Variants in INTS6 observed in about 807,000 individuals in gnomAD.
INTS6 encodes the protein integrator complex subunit 6, also known as DEAD box protein.
Under a neutral mutation model 104.9 loss-of-function variants are expected in INTS6, and 16 were observed. That is an observed-to-expected ratio of 0.15 (90% CI 0.10 to 0.23). The LOEUF is 0.23. Ranked by LOEUF, INTS6 falls within the 10% of genes least tolerant of loss-of-function variation. The pLI is 1.00. For synonymous variants in INTS6, 324 were observed against 358.7 expected, an observed-to-expected ratio of 0.90 and a Z score of 1.09; for missense variants, 584 against 1,062.8, an observed-to-expected ratio of 0.55 and a Z score of 6.26.
rs1298662235 is a variant in INTS6, at chr13:51,416,180, C to T, written c.429+14114G>A. On this transcript the variant is annotated intron_variant, in intron 4 of 17. Coordinates refer to ENST00000311234, the MANE Select transcript of INTS6 (RefSeq NM_012141.3). ...GTCAAGGAGATAACAGAAATGATCTCTAAATTTGTTGCAAAAGGAAATAGA... is the reference window on the plus strand; with the variant it reads ...GTCAAGGAGATAACAGAAATGATCTTTAAATTTGTTGCAAAAGGAAATAGA... Among the ~76,000 whole-genome samples the T allele has an allele frequency of 1.2e-4, 19 of 152,228 alleles. No individual in the cohort carries two copies. The South Asian group carries it at 3.7e-3, about 30-fold the overall frequency.
At chr13:51,384,367 A>G (rs1010757871) in intron 7 of INTS6, 5 of 247,774 alleles carry the variant, frequency 2.0e-5, no homozygotes, top group African/African-American at 6.9e-5. Flanking sequence ...TTACTCCCCA[A>G]TCTACCTCTT....
chr13:51,450,378 G>C, intron 3 of INTS6: 1 of 985,400 alleles, frequency 1.0e-6, no homozygotes, highest in Non-Finnish European at 1.2e-6. Context: ...ACTTGTGGGG[G>C]TTAAGAAACG....
intron 5 of INTS6, among the ~76,000 whole-genome samples, chr13:51,392,059 G>A (rs1444099365): frequency 6.6e-6 from 1 of 152,016 alleles, no homozygotes; most frequent in African/African-American, 2.4e-5. Flanking sequence ...GTTCTCTTTT[G>A]CATTAAGCCA....
At chr13:51,345,592 CAAAAA>C in the INTS6 span, among the ~76,000 whole-genome samples, 189 of 37,042 alleles carry the variant, frequency 5.1e-3, no homozygotes, top group African/African-American at 0.016. Context: ...GATTTCATCT[CAAAAA>C]AAAAAAAAAA....
At chr13:51,426,806 G>A (rs1272435690) in intron 4 of INTS6, among the ~76,000 whole-genome samples, 1 of 152,012 alleles carries the variant, frequency 6.6e-6, no homozygotes, top group African/African-American at 2.4e-5. Context: ...ATAAATAGAA[G>A]GTAAATTTTA....
intron 7 of INTS6, chr13:51,384,322 G>A (rs531867788): frequency 1.6e-4 from 36 of 222,876 alleles, no homozygotes; most frequent in African/African-American, 8.2e-4. Context: ...TGTTCTAGAG[G>A]TATAAAAAAG....
intron 9 of INTS6, among the ~76,000 whole-genome samples, chr13:51,382,495 G>GT (rs1433604654): frequency 1.3e-5 from 2 of 152,160 alleles, no homozygotes; most frequent in Non-Finnish European, 2.9e-5. Flanking sequence ...TTCATGGAAG[G>GT]TAAGTTTTCT....
intron 3 of INTS6, chr13:51,437,272 G>A: frequency 6.6e-6 from 1 of 152,142 alleles, no homozygotes; most frequent in Non-Finnish European, 1.5e-5. Context: ...TCACCTCCTT[G>A]AGTAGACTGC....
chr13:51,432,895 A>G (rs1253216517), intron 3 of INTS6, among the ~76,000 whole-genome samples: 1 of 152,236 alleles, frequency 6.6e-6, no homozygotes, highest in Non-Finnish European at 1.5e-5. Flanking sequence ...CATAATAAAC[A>G]TATGTACACA....
At chr13:51,348,305 G>A in the INTS6 span, 5 of 1,613,324 alleles carry the variant, frequency 3.1e-6, no homozygotes, top group Non-Finnish European at 4.2e-6. Context: ...GCTGCCCCGT[G>A]ACAAAGACAC....
intron 3 of INTS6, among the ~76,000 whole-genome samples, chr13:51,434,119 A>G (rs1275956701): frequency 6.6e-6 from 1 of 152,212 alleles, no homozygotes; most frequent in Non-Finnish European, 1.5e-5. Flanking sequence ...CCAACAAGGA[A>G]TGGCATTATA....
At chr13:51,385,650 C>T (rs1448942585) in intron 7 of INTS6, among the ~76,000 whole-genome samples, 1 of 152,156 alleles carries the variant, frequency 6.6e-6, no homozygotes, top group Admixed American at 6.5e-5. Flanking sequence ...TGCCGTGATT[C>T]AAATTCACAT....
Position 51,379,583 on chromosome 13 carries a change from A to G in INTS6, c.1276-11T>C, listed in dbSNP as rs1351088508. ...AGCTTTCTTCAAGGGCTATAGGAAA[A>G]AAGAAAACATCATTCAATATTAAGC... is the stretch of plus-strand genomic sequence containing the variant. On this transcript the variant is annotated splice_polypyrimidine_tract_variant and intron_variant, in intron 10 of 17. Coordinates refer to ENST00000311234, the MANE Select transcript of INTS6 (RefSeq NM_012141.3). 1 of 1,455,122 alleles carries G rather than the reference A, an allele frequency of 6.9e-7. No homozygotes were observed. The highest frequency in any genetic ancestry group is 9.5e-7 in the Non-Finnish European group (1 of 1,055,766). The allele number at this position is 1,455,122 out of a possible 1,614,324, so 90.1% of individuals were successfully genotyped here. A position where few individuals can be genotyped will look rare whatever the true frequency, so the allele number is the denominator to read the frequency against.
the INTS6 span, chr13:51,341,140 C>T: frequency 1.8e-5 from 29 of 1,613,994 alleles, no homozygotes; most frequent in South Asian, 1.6e-4. Flanking sequence ...TTGCTGCCTC[C>T]GAGCAAATGG....
chr13:51,435,548 A>G (rs1010575369), intron 3 of INTS6, among the ~76,000 whole-genome samples: 2 of 152,176 alleles, frequency 1.3e-5, no homozygotes, highest in Non-Finnish European at 1.5e-5. Flanking sequence ...AACAGATATT[A>G]TCTATTATAA....
intron 5 of INTS6, 38 bp from the exon 6 acceptor site, chr13:51,389,482 T>C (rs761074354): frequency 6.6e-7 from 1 of 1,504,822 alleles, no homozygotes; most frequent in East Asian, 2.4e-5. Flanking sequence ...AGAAGAAGAA[T>C]ATAGTAAACT....
chr13:51,451,904 G>T (rs557759342), intron 2 of INTS6, 74 bp downstream of exon 2: 307 of 1,051,058 alleles, frequency 2.9e-4, no homozygotes, highest in Non-Finnish European at 1.5e-4. Flanking sequence ...AAGGGTGAAT[G>T]GGGGGGCGGG....
At chr13:51,359,777 T>C (rs894741367), downstream of INTS6, among the ~76,000 whole-genome samples, 1 of 152,148 alleles carries the variant, frequency 6.6e-6, no homozygotes, top group African/African-American at 2.4e-5. Context: ...CAAATAACCA[T>C]TCTTTAACCC....
chr13:51,386,842 G>T (rs1308686108), intron 7 of INTS6, among the ~76,000 whole-genome samples: 1 of 152,008 alleles, frequency 6.6e-6, no homozygotes, highest in Non-Finnish European at 1.5e-5. Context: ...ATTATTTTAA[G>T]AATTATATAA....
Sources: allele counts gnomAD v4.1 joint callset (sites outside exome capture counted in the v4.1 genomes callset), GRCh38; gene constraint gnomAD v4.1.1; transcripts MANE v1.5; gene names NCBI Gene and HGNC (gene_info 2026-07-23, HGNC 2026-07-21).